ZFHX3: variants seen among roughly 807,000 people sequenced by gnomAD.
The protein encoded by ZFHX3 is zinc finger homeobox protein 3.
In ZFHX3, 42 loss-of-function variants were observed where a neutral mutation model predicts 279.1. The observed-to-expected ratio is 0.15, with a 90% CI of 0.12 to 0.19. The LOEUF (loss-of-function observed/expected upper bound fraction) is 0.19, where lower values mean the gene tolerates loss of function less well. Among genes scored for constraint, ZFHX3 ranks in the 10% least tolerant of loss-of-function variants. The pLI is 1.00. For synonymous variants in ZFHX3, 2,293 were observed against 1,957.8 expected (o/e 1.17, Z -4.52); for missense variants, 4,981 against 4,754.0 (o/e 1.05, Z -1.40).
intron 3 of ZFHX3, chr16:73,400,091 AT>A (rs1195820731): frequency 4.0e-5 from 6 of 151,480 alleles, no homozygotes; most frequent in African/African-American, 9.7e-5. Flanking sequence ...AAAAAAAAAA[AT>A]CACCAAGGTT....
At chr16:73,626,274 C>A (rs781630931) in intron 2 of ZFHX3, among the ~76,000 whole-genome samples, 1 of 152,074 alleles carries the variant, frequency 6.6e-6, no homozygotes, top group Non-Finnish European at 1.5e-5. Flanking sequence ...TCTTCCATAA[C>A]CAGGATGGAA....
chr16:73,144,981 A>G (rs1431556408), intron 5 of ZFHX3, among the ~76,000 whole-genome samples: 1 of 152,150 alleles, frequency 6.6e-6, no homozygotes, highest in Non-Finnish European at 1.5e-5. Flanking sequence ...ATTTCAGTCC[A>G]TTATTTTGTA....
intron 1 of ZFHX3, among the ~76,000 whole-genome samples, chr16:73,711,189 T>G (rs1203794784): frequency 6.6e-6 from 1 of 152,170 alleles, no homozygotes; most frequent in Non-Finnish European, 1.5e-5. Flanking sequence ...CTGTCTGATA[T>G]TTATGTATAT....
In ZFHX3 at chr16:72,793,854, C is replaced by T. The variant is rs772200448; in HGVS notation, c.8828G>A (p.Arg2943Gln). The T allele has an allele frequency of 3.4e-5, 55 of 1,614,008 alleles. No individual in the cohort carries two copies. In the Middle Eastern group the frequency reaches 4.9e-4, roughly 14 times the overall value. Residue 2943 changes from arginine to glutamine, a missense_variant, in exon 9 of 10, where the codon CGG (arginine) becomes CAG (glutamine). By Grantham distance (43) the Arg-to-Gln change is conservative. Coordinates refer to ENST00000268489, the MANE Select transcript of ZFHX3 (RefSeq NM_006885.4). This position sits in a 1 kb window ranked among gnomAD's most constrained non-coding sequence, Gnocchi z 4.3. The part of the protein sequence containing the change: ...SAGKSGDSGD[R>Q]PGQKRFRTQM... The stretch of plus-strand genomic sequence containing the variant: ...AGTGCGAAAACGTTTCTGCCCAGGC[C>T]GATCTCCGCTGTCACCAGATTTGCC...
intron 3 of ZFHX3, among the ~76,000 whole-genome samples, chr16:72,892,723 G>A (rs1281105390): frequency 1.3e-5 from 2 of 152,082 alleles, no homozygotes; most frequent in Non-Finnish European, 2.9e-5. Context: ...GGCCAGGCTG[G>A]TCTCGAACTC....
intron 1 of ZFHX3, among the ~76,000 whole-genome samples, chr16:73,889,493 A>G (rs1159472469): frequency 6.6e-6 from 1 of 152,200 alleles, no homozygotes; most frequent in Non-Finnish European, 1.5e-5. Flanking sequence ...GAAAATGCCA[A>G]CGATGTGATG....
chr16:72,924,899 C>G (rs75101764), intron 3 of ZFHX3, among the ~76,000 whole-genome samples: 16 of 152,220 alleles, frequency 1.1e-4, no homozygotes, highest in Admixed American at 2.0e-4. Flanking sequence ...GACTTCAGTC[C>G]CATTTCCTCC....
intron 2 of ZFHX3, among the ~76,000 whole-genome samples, chr16:73,645,472 G>A (rs150226663): frequency 6.6e-6 from 1 of 152,166 alleles, no homozygotes; most frequent in East Asian, 1.9e-4. Flanking sequence ...TAGCCAGGAT[G>A]GTTTCCATCT....
intron 2 of ZFHX3, among the ~76,000 whole-genome samples, chr16:73,486,558 C>A (rs1202247253): frequency 6.6e-6 from 1 of 152,202 alleles, no homozygotes; most frequent in African/African-American, 2.4e-5. Flanking sequence ...GGAATTCTGC[C>A]TTCGAGGAAT....
intron 2 of ZFHX3, among the ~76,000 whole-genome samples, chr16:73,494,442 C>G (rs1037857800): frequency 5.3e-5 from 8 of 152,168 alleles, no homozygotes; most frequent in African/African-American, 1.9e-4. Context: ...CTTCCATTTA[C>G]CCCTTGTTTC....
intron 1 of ZFHX3, among the ~76,000 whole-genome samples, chr16:73,764,206 G>A (rs1454706743): frequency 1.3e-5 from 2 of 152,158 alleles, no homozygotes; most frequent in African/African-American, 4.8e-5. Flanking sequence ...CTCTTTGGAA[G>A]CAAATTTCCA....
intron 5 of ZFHX3, among the ~76,000 whole-genome samples, chr16:73,216,804 G>A (rs185474671): frequency 9.2e-5 from 14 of 152,004 alleles, no homozygotes; most frequent in Admixed American, 2.6e-4. Flanking sequence ...AATATTATCT[G>A]AACACTTTCA....
At chr16:73,711,277 G>C (rs1007242096) in intron 1 of ZFHX3, among the ~76,000 whole-genome samples, 4 of 151,930 alleles carry the variant, frequency 2.6e-5, no homozygotes, top group African/African-American at 9.7e-5. Context: ...AAACCATCCC[G>C]TGAAGTTTAA....
chr16:73,232,994 G>T (rs1355514377), intron 5 of ZFHX3: 1 of 151,764 alleles, frequency 6.6e-6, no homozygotes, highest in Non-Finnish European at 1.5e-5. Context: ...GGATATGGGG[G>T]TGGGGGGTAG....
At chr16:73,032,986 G>A (rs1356738920) in intron 1 of ZFHX3, among the ~76,000 whole-genome samples, 3 of 152,192 alleles carry the variant, frequency 2.0e-5, no homozygotes, top group Non-Finnish European at 4.4e-5. Flanking sequence ...CAGGCAGCAG[G>A]AGCAGGATGG....
chr16:72,983,028 A>C (rs932215238), intron 1 of ZFHX3, among the ~76,000 whole-genome samples: 6 of 152,158 alleles, frequency 3.9e-5, no homozygotes, highest in South Asian at 2.1e-4. Context: ...CAAAGTGCAC[A>C]TATCTATGTA....
chr16:72,950,984 G>A lies in ZFHX3; in HGVS notation c.2720-19C>T, dbSNP rs1567600942. Reference sequence around the variant, plus strand: ...CCGCCCACTGCAGGGAAGGAGAGAAGGAGAGAGTCAGACACCAGGCTCATG... The same window carrying A: ...CCGCCCACTGCAGGGAAGGAGAGAAAGAGAGAGTCAGACACCAGGCTCATG... On this transcript the variant is annotated intron_variant, in intron 2 of 9. Transcript: ENST00000268489. 6.2e-7 allele frequency: 1 copy of A among 1,602,094 alleles called. No homozygotes were observed. Among genetic ancestry groups the A allele is most frequent in the Non-Finnish European group, 8.5e-7 (1 of 1,171,514 alleles).
At chr16:72,961,127 A>G (rs1961554910) in intron 1 of ZFHX3, among the ~76,000 whole-genome samples, 1 of 152,130 alleles carries the variant, frequency 6.6e-6, no homozygotes, top group Non-Finnish European at 1.5e-5. Flanking sequence ...AGCAGCTTCT[A>G]TCTGGCCCTG....
At chr16:73,467,518 A>G (rs756049003) in intron 2 of ZFHX3, among the ~76,000 whole-genome samples, 10 of 152,196 alleles carry the variant, frequency 6.6e-5, no homozygotes, top group Non-Finnish European at 1.2e-4. Flanking sequence ...GGCACAATTT[A>G]CCTTGAAATA....
Sources: allele counts gnomAD v4.1 joint callset (sites outside exome capture counted in the v4.1 genomes callset), GRCh38; gene constraint gnomAD v4.1.1; non-coding constraint Gnocchi (gnomAD v3.1); transcripts MANE v1.5; gene names NCBI Gene and HGNC (gene_info 2026-07-23, HGNC 2026-07-21).